Variants in PAK2 observed in about 807,000 individuals in gnomAD.
The protein encoded by PAK2 is p21 (RAC1) activated kinase 2.
In PAK2, 21 loss-of-function variants were observed where a neutral mutation model predicts 65.9. That is an observed-to-expected ratio of 0.32 (90% CI 0.23 to 0.46). The LOEUF (loss-of-function observed/expected upper bound fraction) is 0.46. Among genes scored for constraint, PAK2 ranks in the 20% least tolerant of loss-of-function variants. PAK2 has a pLI of 1.00. For synonymous variants in PAK2, 204 were observed against 219.7 expected (o/e 0.93, Z 0.63); for missense variants, 324 against 642.6 (o/e 0.50, Z 5.36).
chr3:196,767,103 C>T (rs942043043), intron 1 of PAK2, among the ~76,000 whole-genome samples: 2 of 152,040 alleles, frequency 1.3e-5, no homozygotes, highest in African/African-American at 4.8e-5. Context: ...GCTATTTTCT[C>T]ATTTGTTTTT....
chr3:196,815,835 C>T (rs1716010060), intron 11 of PAK2, among the ~76,000 whole-genome samples: 10 of 151,754 alleles, frequency 6.6e-5, no homozygotes, highest in Admixed American at 6.6e-4. Context: ...GAAACTAGAA[C>T]TATCTCAGGT....
intron 1 of PAK2, among the ~76,000 whole-genome samples, chr3:196,750,554 C>T (rs1016049247): frequency 1.2e-4 from 18 of 151,968 alleles, no homozygotes; most frequent in Admixed American, 1.0e-3. Context: ...ATTTTTGCAT[C>T]TTATATTTTG....
chr3:196,783,948 T>G (rs1714797557), intron 2 of PAK2, among the ~76,000 whole-genome samples: 2 of 152,208 alleles, frequency 1.3e-5, no homozygotes, highest in African/African-American at 4.8e-5. Context: ...ATACTGCAGT[T>G]TATTTGGCCA....
chr3:196,783,845 ATAC>A (rs1231744757), intron 2 of PAK2, among the ~76,000 whole-genome samples: 5 of 152,174 alleles, frequency 3.3e-5, no homozygotes, highest in Non-Finnish European at 7.4e-5. Context: ...TTTTTTCCAC[ATAC>A]TTTTCACTCA....
At chr3:196,792,028 G>A (rs1249434459) in intron 2 of PAK2, among the ~76,000 whole-genome samples, 1 of 152,192 alleles carries the variant, frequency 6.6e-6, no homozygotes, top group South Asian at 2.1e-4. Flanking sequence ...AGCTGCTCAG[G>A]TGGCTGCCCC....
Position 196,791,296 on chromosome 3 carries a change from CTGTA to C in PAK2, c.187+8467_187+8470del, listed in dbSNP as rs1715061485. Among the ~76,000 whole-genome samples, 1 of 152,078 alleles carries C rather than the reference CTGTA, an allele frequency of 6.6e-6. No homozygotes were observed. Among genetic ancestry groups the C allele is most frequent in the African/African-American group, 2.4e-5 (1 of 41,426 alleles). On this transcript the variant is annotated intron_variant, in intron 2 of 14. Transcript: ENST00000327134. The surrounding 1 kb of genome is among the most constrained non-coding windows in gnomAD (Gnocchi z 4.0). ...GAGACTATTAAAATACAGAGAGTAC[CTGTA>C]TGTGTGTTATGTAAAAACAAATGGC... is the stretch of plus-strand genomic sequence containing the variant.
At chr3:196,827,359 G>T (rs1309726734) in intron 14 of PAK2, 26 bp downstream of exon 14, 1 of 1,591,400 alleles carries the variant, frequency 6.3e-7, no homozygotes, top group Non-Finnish European at 8.5e-7. Flanking sequence ...ATTTCATTTG[G>T]GGGAATAGTT....
In PAK2 at chr3:196,769,683, G is replaced by A. The variant is rs1026360094; in HGVS notation, c.-21-12943G>A. On this transcript the variant is annotated intron_variant, in intron 1 of 14. Coordinates refer to ENST00000327134, the MANE Select transcript of PAK2 (RefSeq NM_002577.4). ...ATACAAAAAATTAGCTGGGCGTGGTGGTAGGCGCCTGCAGTTCCAGCTACT... is the reference window on the plus strand; with the variant it reads ...ATACAAAAAATTAGCTGGGCGTGGTAGTAGGCGCCTGCAGTTCCAGCTACT... Among the ~76,000 whole-genome samples, 3 of 151,908 alleles carry A rather than the reference G, an allele frequency of 2.0e-5. No individual in the cohort carries two copies. In the East Asian group the frequency reaches 5.8e-4, roughly 29 times the overall value.
In PAK2 at chr3:196,832,392, A is replaced by C. The variant is rs1231585746; in HGVS notation, c.*3987A>C. The stretch of plus-strand genomic sequence containing the variant: ...TTTTATTTTTAATTTAATCCCGTTC[A>C]ATTATTTAATTGTTATACATTGACA... On this transcript the variant is annotated 3_prime_UTR_variant, in exon 15 of 15. Coordinates refer to ENST00000327134, the MANE Select transcript of PAK2 (RefSeq NM_002577.4). 6.6e-6 allele frequency: 1 copy of C among 152,016 alleles called. No individual in the cohort carries two copies. The highest frequency in any genetic ancestry group is 2.4e-5 in the African/African-American group (1 of 41,394). 9.4% of individuals were successfully genotyped at this position (152,016 alleles called of 1,614,324 possible).
intron 9 of PAK2, 55 bp downstream of exon 9, chr3:196,812,322 A>G: frequency 9.8e-7 from 1 of 1,023,714 alleles, no homozygotes. Flanking sequence ...TATAGGTGGA[A>G]ACTAGATGAA....
At chr3:196,778,081 G>A (rs1057188269) in intron 1 of PAK2, among the ~76,000 whole-genome samples, 1 of 151,900 alleles carries the variant, frequency 6.6e-6, no homozygotes, top group Non-Finnish European at 1.5e-5. Context: ...CTAATCAGCC[G>A]TGTTTATGAA....
intron 4 of PAK2, among the ~76,000 whole-genome samples, chr3:196,805,000 CTT>C (rs1715542567): frequency 6.6e-6 from 1 of 151,958 alleles, no homozygotes; most frequent in Non-Finnish European, 1.5e-5. Context: ...GAGAAAGTAT[CTT>C]TATCAATAAA....
chr3:196,756,851 A>C (rs1713787301), intron 1 of PAK2, among the ~76,000 whole-genome samples: 2 of 152,190 alleles, frequency 1.3e-5, no homozygotes, highest in East Asian at 3.8e-4. Context: ...AGAAAGAAAG[A>C]AACAAAATGC....
At chr3:196,812,361 T>C (rs1379010264) in intron 9 of PAK2, 94 bp downstream of exon 9, 10 of 797,864 alleles carry the variant, frequency 1.3e-5, no homozygotes, top group Non-Finnish European at 2.3e-5. Flanking sequence ...GAACCTCTTT[T>C]AAGTTGAGCC....
chr3:196,761,145 CTT>C (rs58174238), intron 1 of PAK2, among the ~76,000 whole-genome samples: 3 of 119,526 alleles, frequency 2.5e-5, no homozygotes, highest in Admixed American at 8.7e-5. Flanking sequence ...AGGAGAACCG[CTT>C]TTTTTTTTTT....
In PAK2 at chr3:196,762,723, A is replaced by T. The variant is rs138802662; in HGVS notation, c.-21-19903A>T. On this transcript the variant is annotated intron_variant, in intron 1 of 14. Coordinates refer to ENST00000327134, the MANE Select transcript of PAK2 (RefSeq NM_002577.4). Reference sequence around the variant, plus strand: ...GAGAGGAGAACCGCTTTAACCGGGGAGGCGGAGGTTGCAGTGAGCCGAGAT... The same window carrying T: ...GAGAGGAGAACCGCTTTAACCGGGGTGGCGGAGGTTGCAGTGAGCCGAGAT... Among the ~76,000 whole-genome samples, 1,282 of 151,150 alleles carry T rather than the reference A, an allele frequency of 8.5e-3. 14 individuals are homozygous for T. Among genetic ancestry groups the T allele is most frequent in the African/African-American group, 0.029 (1,172 of 41,052 alleles).
intron 11 of PAK2, among the ~76,000 whole-genome samples, chr3:196,817,814 G>A (rs898303566): frequency 1.2e-4 from 19 of 152,144 alleles, no homozygotes; most frequent in African/African-American, 4.3e-4. Context: ...TAAGATCAGA[G>A]GGTAGGAGCG....
chr3:196,764,266 G>T (rs541051962), intron 1 of PAK2, among the ~76,000 whole-genome samples: 1 of 151,992 alleles, frequency 6.6e-6, no homozygotes, highest in Admixed American at 6.6e-5. Context: ...ACATTTTAGC[G>T]CTCTTCAAGT....
At chr3:196,819,808 A>G (rs1711592676) in intron 12 of PAK2, among the ~76,000 whole-genome samples, 1 of 152,130 alleles carries the variant, frequency 6.6e-6, no homozygotes, top group African/African-American at 2.4e-5. Context: ...GAGATGATGG[A>G]TGTTTAGTGA....
Sources: allele counts gnomAD v4.1 joint callset (sites outside exome capture counted in the v4.1 genomes callset), GRCh38; gene constraint gnomAD v4.1.1; non-coding constraint Gnocchi (gnomAD v3.1); transcripts MANE v1.5; gene names NCBI Gene and HGNC (gene_info 2026-07-23, HGNC 2026-07-21).